The following ITGA7 variants were observed in gnomAD, a reference collection of about 807,000 sequenced individuals.
The protein encoded by ITGA7 is integrin subunit alpha 7.
Under a neutral mutation model 131.6 loss-of-function variants are expected in ITGA7, and 84 were observed. The observed-to-expected ratio is 0.64, with a 90% CI of 0.54 to 0.77. The LOEUF is 0.77. ITGA7 is among the 30% of genes least tolerant of loss of function. The pLI, the probability that ITGA7 is intolerant of heterozygous loss-of-function variation, is 0.00. For synonymous variants in ITGA7, 548 were observed against 600.7 expected, an observed-to-expected ratio of 0.91 and a Z score of 1.28; for missense variants, 1,399 against 1,482.9, an observed-to-expected ratio of 0.94 and a Z score of 0.93.
In ITGA7 at chr12:55,694,459, C is replaced by T. The variant is rs1330673839; in HGVS notation, c.2341G>A (p.Glu781Lys). Residue 781 changes from glutamate to lysine, a missense_variant, in exon 17 of 25, where the codon GAG becomes AAG. By Grantham distance (56) the Glu-to-Lys change is moderately conservative. Coordinates refer to ENST00000257879, the MANE Select transcript of ITGA7 (RefSeq NM_002206.3). The surrounding 1 kb of genome is among the most constrained non-coding windows in gnomAD (Gnocchi z 5.3). ...ISIETTELEV[E>K]LLLATISEQE... ...CTGGCTTACGTGGCCAACAGCAGCT[C>T]TACCTCCAGTTCCGTGGTCTCAATG... 2 of 1,614,214 alleles carry T rather than the reference C, an allele frequency of 1.2e-6. No homozygotes were observed. The highest frequency in any genetic ancestry group is 1.7e-5 in the Admixed American group (1 of 60,032).
Position 55,699,997 on chromosome 12 carries a change from G to A in ITGA7, c.671-8C>T, listed in dbSNP as rs752912260. 2 of 1,614,070 alleles carry A rather than the reference G, an allele frequency of 1.2e-6. No homozygotes were observed. Among genetic ancestry groups the A allele is most frequent in the Non-Finnish European group, 8.5e-7 (1 of 1,179,988 alleles). On this transcript the variant is annotated splice_region_variant and splice_polypyrimidine_tract_variant and intron_variant, in intron 4 of 24. Transcript: ENST00000257879. ...TGGTCACAAAAAGCAACCCTGTGGG[G>A]GGTGGGGTGAGACACCAGGGAGGGG... is the stretch of plus-strand genomic sequence containing the variant.
At chr12:55,716,047 G>T (rs1345722437), upstream of ITGA7, 1 of 1,550,922 alleles carries the variant, frequency 6.4e-7, no homozygotes, top group Non-Finnish European at 8.7e-7. Flanking sequence ...CAGCGGTCAC[G>T]TGACATGGCC....
Position 55,687,951 on chromosome 12 carries a change from G to C in ITGA7, c.3183+20C>G. ...CCAACCAGGAAGTCCACCCCCATCA[G>C]CCCCACCTCCAAGCCTCACCTTCCA... is the stretch of plus-strand genomic sequence containing the variant. On this transcript the variant is annotated intron_variant, in intron 24 of 24. Coordinates refer to ENST00000257879, the MANE Select transcript of ITGA7 (RefSeq NM_002206.3). 1 of 1,613,934 alleles carries C rather than the reference G, an allele frequency of 6.2e-7. No homozygotes were observed. The highest frequency in any genetic ancestry group is 2.2e-5 in the East Asian group (1 of 44,866).
Position 55,693,334 on chromosome 12 carries a change from G to T in ITGA7, c.2536-17C>A. Reference sequence around the variant, plus strand: ...GTTGGAAACCTGTGGGAAAAAGAGAGTATGAGGGGAGAGACCTCAGTTTTT... The same window carrying T: ...GTTGGAAACCTGTGGGAAAAAGAGATTATGAGGGGAGAGACCTCAGTTTTT... On this transcript the variant is annotated splice_polypyrimidine_tract_variant and intron_variant, in intron 19 of 24. Transcript: ENST00000257879. The T allele has an allele frequency of 6.3e-7, 1 of 1,594,694 alleles. No homozygotes were observed. The highest frequency in any genetic ancestry group is 8.6e-7 in the Non-Finnish European group (1 of 1,162,852).
At chr12:55,703,891 T>C (rs547926642) in intron 1 of ITGA7, among the ~76,000 whole-genome samples, 20 of 152,278 alleles carry the variant, frequency 1.3e-4, no homozygotes, top group African/African-American at 4.8e-4. Context: ...CCCATGTCCA[T>C]GATTTCTCCT....
chr12:55,716,125 C>G (rs752579209), upstream of ITGA7: 1 of 1,610,260 alleles, frequency 6.2e-7, no homozygotes, highest in East Asian at 2.2e-5. Flanking sequence ...AGCCCCCAGC[C>G]CGACGTGACC....
intron 24 of ITGA7, among the ~76,000 whole-genome samples, chr12:55,685,537 G>T (rs1869911093): frequency 6.6e-6 from 1 of 152,162 alleles, no homozygotes; most frequent in South Asian, 2.1e-4. Flanking sequence ...TATCTCCCTT[G>T]GCCCCTGAAA....
At chr12:55,686,462 C>T (rs1870171708) in intron 24 of ITGA7, 2 of 395,894 alleles carry the variant, frequency 5.1e-6, no homozygotes, top group Non-Finnish European at 9.4e-6. Flanking sequence ...ATCAATCTCC[C>T]CTAAGACTGG....
chr12:55,714,384 G>A (rs1876350803), upstream of ITGA7, among the ~76,000 whole-genome samples: 1 of 151,618 alleles, frequency 6.6e-6, no homozygotes, highest in Non-Finnish European at 1.5e-5. Flanking sequence ...CGGGCGTAGT[G>A]GCGGGCGCCT....
upstream of ITGA7, chr12:55,716,157 G>C (rs1342886795): frequency 6.2e-7 from 1 of 1,612,484 alleles, no homozygotes; most frequent in Non-Finnish European, 8.5e-7. Context: ...CCTCCTAAAA[G>C]AACACCAGGC....
chr12:55,697,551 G>T lies in ITGA7; in HGVS notation c.1410-5C>A, dbSNP rs1314756377. On this transcript the variant is annotated splice_polypyrimidine_tract_variant and splice_region_variant and intron_variant, in intron 9 of 24. Transcript: ENST00000257879. ...ACATGGAGGATGGGTCTGGCCCTGGGATTGGGGAGTCAAGAGCACAAGAAA... is the reference window on the plus strand; with the variant it reads ...ACATGGAGGATGGGTCTGGCCCTGGTATTGGGGAGTCAAGAGCACAAGAAA... 8.1e-6 allele frequency: 13 copies of T among 1,613,190 alleles called. No homozygotes were observed. The highest frequency in any genetic ancestry group is 1.1e-5 in the Non-Finnish European group (13 of 1,179,296).
chr12:55,690,686 G>A (rs879691169), intron 21 of ITGA7, among the ~76,000 whole-genome samples: 2,495 of 144,642 alleles, frequency 0.017, 24 homozygotes, highest in Middle Eastern at 0.048. Context: ...TGTTTATTGC[G>A]GCACTATTCA....
rs765097884 is a variant in ITGA7 at position 55,707,579 on chromosome 12, T to C, written c.104A>G (p.Asn35Ser). ...ELLFSRAVAFNLDVMGALRKE... is the reference protein window; with the variant it reads ...ELLFSRAVAFSLDVMGALRKE... ...GCGCAAGGCACCCATCACGTCCAGA[T>C]TGAAGGCGACAGCCCGTGAGAAGAG... The change falls in exon 1 of 25, where the codon AAT becomes AGT. Residue 35 changes from asparagine (N) to serine (S), a missense_variant. By Grantham distance (46) the Asn-to-Ser change is conservative (BLOSUM62 1). Coordinates refer to ENST00000257879, the MANE Select transcript of ITGA7 (RefSeq NM_002206.3). 2.8e-5 allele frequency: 45 copies of C among 1,613,520 alleles called. No individual in the cohort carries two copies. The highest frequency in any genetic ancestry group is 2.9e-5 in the Non-Finnish European group (34 of 1,179,854).
At chr12:55,697,369 A>G (rs1872864488) in intron 10 of ITGA7, 82 bp downstream of exon 10, 1 of 1,583,614 alleles carries the variant, frequency 6.3e-7, no homozygotes, top group Non-Finnish European at 8.7e-7. Context: ...TCACAGCCCC[A>G]GCCCCAAACT....
chr12:55,692,938 T>TC lies in ITGA7; in HGVS notation c.2749dup (p.Glu917GlyfsTer4), dbSNP rs1871773510. ...ACCAGGCTCCTGCTGCTCAGGTGGC[T>TC]CCAGCTCCCGCCGCCTCCTATCCCT... On this transcript the variant is annotated frameshift_variant, in exon 21 of 25. Transcript: ENST00000257879. LOFTEE classifies it high-confidence loss of function. The TC allele has an allele frequency of 1.9e-6, 3 of 1,614,034 alleles. No homozygotes were observed. The highest frequency in any genetic ancestry group is 2.5e-6 in the Non-Finnish European group (3 of 1,180,012).
rs62648071 is a variant in ITGA7, at chr12:55,688,010, C to G, written c.3144G>C (p.Gly1048=). 3.0e-3 allele frequency: 4,762 copies of G among 1,614,166 alleles called. 123 individuals are homozygous for G. In the African/African-American group the frequency reaches 0.058, roughly 20 times the overall value. ...GCACCAGCAGTGCTAGCACCAGCAG[C>G]CCAGCCAGTACAGCCAGGAGGATGA... The part of the protein sequence containing the change: ...WWVILLAVLA[G]LLVLALLVLL... Residue 1048 remains glycine (G), a synonymous_variant, in exon 24 of 25, where the codon GGG becomes GGC. Transcript: ENST00000257879.
intron 3 of ITGA7, 90 bp from the exon 4 acceptor site, chr12:55,701,244 C>T: frequency 1.9e-6 from 3 of 1,598,226 alleles, no homozygotes; most frequent in Non-Finnish European, 2.6e-6. Flanking sequence ...TTGGCAGATA[C>T]TGATACATGT....
chr12:55,697,174 G>A (rs2136021738), intron 11 of ITGA7, 42 bp downstream of exon 11: 5 of 1,573,844 alleles, frequency 3.2e-6, no homozygotes, highest in Non-Finnish European at 2.6e-6. Context: ...CCCTCCCTGG[G>A]AAACCCAAAA....
At chr12:55,712,553 G>C (rs1029182811), upstream of ITGA7, 3 of 522,912 alleles carry the variant, frequency 5.7e-6, no homozygotes, top group Non-Finnish European at 6.8e-6. Context: ...AGAAAGGAGT[G>C]TGGAGTTGCA....
Sources: gnomAD v4.1 joint callset for allele counts (sites outside exome capture counted in the v4.1 genomes callset) on GRCh38, gnomAD v4.1.1 for gene constraint, Gnocchi (gnomAD v3.1) non-coding constraint, MANE v1.5 for transcripts, NCBI Gene and HGNC (gene_info 2026-07-23, HGNC 2026-07-21) for gene names.